Variants in GLIS1 observed in about 807,000 individuals in gnomAD.
GLIS1 encodes zinc finger protein GLIS1.
GLIS1 carries 24 observed loss-of-function variants against 63.8 expected under a neutral mutation model. The ratio of observed to expected loss-of-function variants is 0.38; its 90% confidence interval spans 0.27 to 0.53. GLIS1 has a LOEUF of 0.53. GLIS1 is among the 20% of genes least tolerant of loss of function. The probability of loss-of-function intolerance (pLI) is 0.85; values close to 1 mark genes in which losing one functional copy is unlikely to be tolerated. For missense variants in GLIS1, 1,036 were observed against 1,074.1 expected (o/e 0.96, Z 0.50); for synonymous variants, 450 against 482.5 (o/e 0.93, Z 0.88).
intron 4 of GLIS1, among the ~76,000 whole-genome samples, chr1:53,582,950 T>G (rs1645100464): frequency 6.6e-6 from 1 of 152,152 alleles, no homozygotes; most frequent in African/African-American, 2.4e-5. Context: ...GAAGCACTCA[T>G]TTTTTCTGCC....
rs146873163 is a variant in GLIS1 at position 53,695,328 on chromosome 1, C to T, written c.259+42478G>A. 3.3e-5 allele frequency among the ~76,000 whole-genome samples: 5 copies of T among 152,280 alleles called. No individual in the cohort carries two copies. The South Asian group carries it at 6.2e-4, about 19-fold the overall frequency. The stretch of plus-strand genomic sequence containing the variant: ...TGCAAGTCTAAGGGGAGGATGTGTA[C>T]GAAACACTAACTGGTAGTGAAGCAT... On this transcript the variant is annotated intron_variant, in intron 2 of 10. Transcript: ENST00000628545.
intron 5 of GLIS1, among the ~76,000 whole-genome samples, chr1:53,528,145 G>A (rs1000654629): frequency 8.5e-5 from 13 of 152,176 alleles, no homozygotes; most frequent in Non-Finnish European, 7.4e-5. Flanking sequence ...GGTGCCACGG[G>A]CCCCTTGGGC....
At chr1:53,656,359 T>C (rs892874967) in intron 2 of GLIS1, among the ~76,000 whole-genome samples, 17 of 152,174 alleles carry the variant, frequency 1.1e-4, no homozygotes, top group African/African-American at 4.1e-4. Context: ...CTGGCCAAGC[T>C]GCAGATCAGC....
intron 2 of GLIS1, among the ~76,000 whole-genome samples, chr1:53,734,800 AC>A (rs1359491262): frequency 4.6e-5 from 7 of 152,214 alleles, no homozygotes; most frequent in African/African-American, 1.7e-4. Flanking sequence ...CCAGATGTTT[AC>A]CTTCTTTCCT....
At chr1:53,514,328 T>G (rs916789224) in intron 8 of GLIS1, among the ~76,000 whole-genome samples, 2 of 152,038 alleles carry the variant, frequency 1.3e-5, no homozygotes, top group African/African-American at 4.8e-5. Flanking sequence ...CAGCCCAGAA[T>G]GCAGGGGTCG....
chr1:53,621,034 G>A (rs1352756530), intron 2 of GLIS1, among the ~76,000 whole-genome samples: 2 of 152,214 alleles, frequency 1.3e-5, no homozygotes, highest in Admixed American at 6.5e-5. Flanking sequence ...AGGCTTTAGA[G>A]ACAGCCAGCC....
At chr1:53,608,309 C>G (rs750778910) in intron 2 of GLIS1, among the ~76,000 whole-genome samples, 6 of 152,202 alleles carry the variant, frequency 3.9e-5, no homozygotes, top group African/African-American at 1.4e-4. Flanking sequence ...CAGGGCTCCA[C>G]CCTTATGACC....
chr1:53,509,015 C>A (rs1473290008), intron 10 of GLIS1, 105 bp downstream of exon 10: 2 of 1,189,618 alleles, frequency 1.7e-6, no homozygotes, highest in Non-Finnish European at 2.3e-6. Context: ...GATGGCCCCA[C>A]CACATAAGCA....
At chr1:53,659,102 G>A (rs1486897153) in intron 2 of GLIS1, among the ~76,000 whole-genome samples, 1 of 152,180 alleles carries the variant, frequency 6.6e-6, no homozygotes, top group Admixed American at 6.5e-5. Context: ...GGCCTCAGAG[G>A]GTGCTGGGGA....
chr1:53,714,239 C>A (rs1044611404), intron 2 of GLIS1, among the ~76,000 whole-genome samples: 2 of 152,130 alleles, frequency 1.3e-5, no homozygotes, highest in African/African-American at 4.8e-5. Flanking sequence ...CCTTCAGCTG[C>A]AAAATTACCA....
chr1:53,658,898 G>T (rs1257882156), intron 2 of GLIS1, among the ~76,000 whole-genome samples: 2 of 152,178 alleles, frequency 1.3e-5, no homozygotes, highest in Admixed American at 1.3e-4. Flanking sequence ...AAGAATGAGT[G>T]GGGAGGTGGG....
At chr1:53,614,101 G>A (rs191751764) in intron 2 of GLIS1, among the ~76,000 whole-genome samples, 1 of 152,310 alleles carries the variant, frequency 6.6e-6, no homozygotes, top group Admixed American at 6.5e-5. Context: ...GATATTGAAT[G>A]CCTACTATAT....
intron 2 of GLIS1, among the ~76,000 whole-genome samples, chr1:53,709,413 C>CATATATAT (rs752636057): frequency 0.67 from 82,846 of 123,932 alleles, 28,201 homozygotes; most frequent in Admixed American, 0.75. Context: ...TATATATATA[C>CATATATAT]ACACACACAC....
chr1:53,580,849 CAATT>C (rs1399056192), intron 4 of GLIS1, among the ~76,000 whole-genome samples: 1 of 152,108 alleles, frequency 6.6e-6, no homozygotes, highest in Non-Finnish European at 1.5e-5. Context: ...CTTTTGTTAT[CAATT>C]AATGCAAAAT....
At chr1:53,702,927 T>A (rs1646539315) in intron 2 of GLIS1, among the ~76,000 whole-genome samples, 1 of 152,094 alleles carries the variant, frequency 6.6e-6, no homozygotes, top group Non-Finnish European at 1.5e-5. Context: ...GGTTCTCCTG[T>A]CCCCCAAAAG....
chr1:53,648,039 G>A (rs1015058308), intron 2 of GLIS1, among the ~76,000 whole-genome samples: 1 of 152,010 alleles, frequency 6.6e-6, no homozygotes, highest in Non-Finnish European at 1.5e-5. Flanking sequence ...AGGCATGGTG[G>A]TATGTGCACC....
chr1:53,588,745 G>C (rs1182354442), intron 4 of GLIS1, among the ~76,000 whole-genome samples: 1 of 152,218 alleles, frequency 6.6e-6, no homozygotes, highest in Non-Finnish European at 1.5e-5. Context: ...AGAGGTGACT[G>C]TTCTTCTGAA....
Position 53,506,342 on chromosome 1 carries a change from T to C in GLIS1, c.*277A>G, listed in dbSNP as rs1260402480. On this transcript the variant is annotated 3_prime_UTR_variant, in exon 11 of 11. Transcript: ENST00000628545. ...TATTTTATATACACGAGGTCTGTGATTTCAAAACCACTGCGGGGAGGAACG... is the reference window on the plus strand; with the variant it reads ...TATTTTATATACACGAGGTCTGTGACTTCAAAACCACTGCGGGGAGGAACG... 1 of 453,796 alleles carries C rather than the reference T, an allele frequency of 2.2e-6. No homozygotes were observed. Among genetic ancestry groups the C allele is most frequent in the African/African-American group, 1.9e-5 (1 of 51,642 alleles). The allele number at this position is 453,796 out of a possible 1,614,324, so 28.1% of individuals were successfully genotyped here.
intron 2 of GLIS1, among the ~76,000 whole-genome samples, chr1:53,698,909 A>C (rs2100486461): frequency 6.6e-6 from 1 of 152,314 alleles, no homozygotes; most frequent in Admixed American, 6.5e-5. Flanking sequence ...TGGAGACTGA[A>C]GTGACTTGCC....
Sources: gnomAD v4.1 joint callset for allele counts (sites outside exome capture counted in the v4.1 genomes callset) on GRCh38, gnomAD v4.1.1 for gene constraint, MANE v1.5 for transcripts, NCBI Gene and HGNC (gene_info 2026-07-23, HGNC 2026-07-21) for gene names.